NPTN: variants seen among roughly 807,000 people sequenced by gnomAD.
NPTN encodes the protein SDR-1.
In NPTN, 5 loss-of-function variants were observed where a neutral mutation model predicts 42.7. The ratio of observed to expected loss-of-function variants is 0.12; its 90% CI spans 0.06 to 0.25. The LOEUF is 0.25. NPTN is among the 10% of genes least tolerant of loss of function. The pLI, the probability that NPTN is intolerant of heterozygous loss-of-function variation, is 1.00. For missense variants in NPTN, 307 were observed against 525.4 expected (o/e 0.58, Z 4.06); for synonymous variants, 180 against 201.9 (o/e 0.89, Z 0.92).
intron 1 of NPTN, among the ~76,000 whole-genome samples, chr15:73,614,739 A>G (rs1337029147): frequency 2.6e-5 from 4 of 152,208 alleles, no homozygotes; most frequent in Non-Finnish European, 5.9e-5. Flanking sequence ...TTAAAAACTT[A>G]AAATGTACTA....
intron 5 of NPTN, 55 bp downstream of exon 5, chr15:73,573,607 G>A: frequency 4.6e-6 from 7 of 1,506,926 alleles, no homozygotes; most frequent in Middle Eastern, 2.4e-4. Context: ...CACGTGTCTG[G>A]ACCTCTGCAG....
chr15:73,582,114 C>T (rs1896078895), intron 4 of NPTN, among the ~76,000 whole-genome samples: 1 of 152,210 alleles, frequency 6.6e-6, no homozygotes, highest in African/African-American at 2.4e-5. Context: ...GCTGGGATTA[C>T]AGGCTCAAGA....
At chr15:73,582,573 C>T (rs534217430) in intron 4 of NPTN, among the ~76,000 whole-genome samples, 2 of 152,240 alleles carry the variant, frequency 1.3e-5, no homozygotes, top group East Asian at 3.9e-4. Context: ...AAGACAGTGA[C>T]CCTCAACCCT....
intron 1 of NPTN, among the ~76,000 whole-genome samples, chr15:73,604,195 C>T (rs1322578642): frequency 2.0e-5 from 3 of 151,940 alleles, no homozygotes; most frequent in African/African-American, 7.3e-5. Context: ...AAACATGGGC[C>T]GCTCACACTC....
intron 1 of NPTN, among the ~76,000 whole-genome samples, chr15:73,631,881 C>A (rs75362911): frequency 1.2e-3 from 186 of 152,282 alleles, no homozygotes; most frequent in African/African-American, 4.4e-3. Flanking sequence ...CTGTTTAGGT[C>A]CCTATGCCCA....
At chr15:73,572,119 T>G (rs1895435604) in intron 5 of NPTN, among the ~76,000 whole-genome samples, 1 of 152,156 alleles carries the variant, frequency 6.6e-6, no homozygotes, top group Non-Finnish European at 1.5e-5. Flanking sequence ...GATGTTGGAG[T>G]CATTATCACA....
rs1359084038 is a variant in NPTN, at chr15:73,596,982, T to C, written c.439+40A>G. ...AAGGGAAGGGTCATTGGGCCACCTC[T>C]AATGACTACAGTACTACTACTGTAG... On this transcript the variant is annotated intron_variant, in intron 2 of 8. Transcript: ENST00000345330. 6 of 1,527,738 alleles carry C rather than the reference T, an allele frequency of 3.9e-6. No individual in the cohort carries two copies. The African/African-American group carries it at 8.2e-5, about 21-fold the overall frequency. The allele number at this position is 1,527,738 out of a possible 1,614,324, so 94.6% of individuals were successfully genotyped here.
At chr15:73,571,927 C>T (rs763397359) in intron 5 of NPTN, among the ~76,000 whole-genome samples, 8 of 152,174 alleles carry the variant, frequency 5.3e-5, no homozygotes, top group Non-Finnish European at 8.8e-5. Context: ...ACACATACTG[C>T]GTTAATTCCA....
At chr15:73,580,465 ATATT>A (rs1447693272) in intron 4 of NPTN, among the ~76,000 whole-genome samples, 2 of 135,200 alleles carry the variant, frequency 1.5e-5, no homozygotes, top group Admixed American at 7.7e-5. Context: ...TATACAAAAT[ATATT>A]TATATATACA....
intron 1 of NPTN, among the ~76,000 whole-genome samples, chr15:73,613,851 A>C (rs1006135615): frequency 1.3e-5 from 2 of 151,740 alleles, no homozygotes; most frequent in Non-Finnish European, 2.9e-5. Context: ...ATGCCTGGCT[A>C]ATTTTTGTGT....
In NPTN at chr15:73,570,058, TC is replaced by T. The variant is rs1451939970; in HGVS notation, c.1114+91del. On this transcript the variant is annotated intron_variant, in intron 6 of 8. Transcript: ENST00000345330. This position sits in a 1 kb window ranked among gnomAD's most constrained non-coding sequence, Gnocchi z 4.0. The stretch of plus-strand genomic sequence containing the variant: ...TTCCTTCTTTCCTTTAGGGATTGAA[TC>T]CCAACATCCCTATAGTCCTCTTTGG... The T allele has an allele frequency of 2.8e-5, 35 of 1,243,784 alleles. No individual in the cohort carries two copies. The highest frequency in any genetic ancestry group is 3.6e-5 in the Non-Finnish European group (34 of 932,460). The allele number at this position is 1,243,784 out of a possible 1,614,324, so 77.0% of individuals were successfully genotyped here. A position where few individuals can be genotyped will look rare whatever the true frequency, so the allele number is the denominator to read the frequency against.
At chr15:73,579,811 T>C in intron 4 of NPTN, among the ~76,000 whole-genome samples, 1 of 152,224 alleles carries the variant, frequency 6.6e-6, no homozygotes, top group East Asian at 1.9e-4. Flanking sequence ...GCTGTACACA[T>C]GGAGTGGATC....
intron 1 of NPTN, among the ~76,000 whole-genome samples, chr15:73,601,588 G>A (rs768852927): frequency 2.0e-5 from 3 of 152,212 alleles, no homozygotes; most frequent in Non-Finnish European, 4.4e-5. Flanking sequence ...ACTGCCTAAA[G>A]TTGGGAGGCC....
intron 4 of NPTN, among the ~76,000 whole-genome samples, chr15:73,578,145 T>G (rs1895793409): frequency 1.3e-5 from 2 of 152,068 alleles, no homozygotes; most frequent in Non-Finnish European, 2.9e-5. Flanking sequence ...TCAGAGAGAC[T>G]GGGGACCCAG....
chr15:73,623,035 G>A (rs1898212846), intron 1 of NPTN, among the ~76,000 whole-genome samples: 1 of 152,210 alleles, frequency 6.6e-6, no homozygotes. Flanking sequence ...AGTCTTAGGA[G>A]TTAGGATGAA....
chr15:73,615,174 A>T (rs563409517), intron 1 of NPTN, among the ~76,000 whole-genome samples: 80 of 147,570 alleles, frequency 5.4e-4, no homozygotes, highest in Admixed American at 1.2e-3. Context: ...TTTTTTTTTT[A>T]AAGATAATCT....
intron 6 of NPTN, among the ~76,000 whole-genome samples, chr15:73,565,250 C>T (rs79284906): frequency 0.051 from 7,762 of 152,252 alleles, 212 homozygotes; most frequent in South Asian, 0.093. Flanking sequence ...CCTCATGTCT[C>T]CCCACTCTCC....
At chr15:73,583,664 T>C (rs1427728129) in intron 4 of NPTN, among the ~76,000 whole-genome samples, 1 of 152,196 alleles carries the variant, frequency 6.6e-6, no homozygotes, top group Admixed American at 6.5e-5. Context: ...TTCATGATAT[T>C]ATTATGCCTT....
intron 4 of NPTN, among the ~76,000 whole-genome samples, chr15:73,584,430 GA>G (rs1022932743): frequency 6.6e-6 from 1 of 152,102 alleles, no homozygotes; most frequent in Non-Finnish European, 1.5e-5. Context: ...GGAGAAGAGG[GA>G]AGGAGTAAGG....
Sources: allele counts gnomAD v4.1 joint callset (sites outside exome capture counted in the v4.1 genomes callset), GRCh38; gene constraint gnomAD v4.1.1; non-coding constraint Gnocchi (gnomAD v3.1); transcripts MANE v1.5; gene names NCBI Gene and HGNC (gene_info 2026-07-23, HGNC 2026-07-21).